The following WWOX variants were observed in gnomAD, a reference collection of about 807,000 sequenced individuals.
The protein encoded by WWOX is WW domain containing oxidoreductase.
In WWOX, 69 loss-of-function variants were observed where a neutral mutation model predicts 46.2. The ratio of observed to expected loss-of-function variants is 1.49; its 90% CI spans 1.23 to 1.82. WWOX has a LOEUF of 1.82. Ranked by LOEUF, WWOX falls within the 40% of genes most tolerant of loss-of-function variation. WWOX has a pLI of 0.00. For missense variants in WWOX, 919 were observed against 542.6 expected, an observed-to-expected ratio of 1.69 and a Z score of -6.89; for synonymous variants, 359 against 202.6, an observed-to-expected ratio of 1.77 and a Z score of -6.56.
At chr16:79,202,017 G>A (rs1232799681) in intron 8 of WWOX, among the ~76,000 whole-genome samples, 1 of 151,956 alleles carries the variant, frequency 6.6e-6, no homozygotes, top group Non-Finnish European at 1.5e-5. Flanking sequence ...AGCAGAGATT[G>A]ACAAACTATG....
chr16:78,681,547 A>AT (rs1222912805), intron 8 of WWOX, among the ~76,000 whole-genome samples: 1 of 17,892 alleles, frequency 5.6e-5, no homozygotes, highest in Non-Finnish European at 1.3e-4. Context: ...CTCCATATAC[A>AT]AAAAAAAAAA....
At chr16:78,346,427 G>A (rs2081095160) in intron 5 of WWOX, among the ~76,000 whole-genome samples, 2 of 75,736 alleles carry the variant, frequency 2.6e-5, no homozygotes, top group South Asian at 9.0e-4. Flanking sequence ...GAGTGGAATG[G>A]GCAGGGTGGT....
intron 8 of WWOX, among the ~76,000 whole-genome samples, chr16:78,691,736 C>T (rs181128396): frequency 2.6e-5 from 4 of 152,188 alleles, no homozygotes; most frequent in East Asian, 3.9e-4. Context: ...AAAGCACTGT[C>T]TCTCTCTACC....
At chr16:78,244,790 A>C (rs2037765233) in intron 5 of WWOX, among the ~76,000 whole-genome samples, 1 of 152,104 alleles carries the variant, frequency 6.6e-6, no homozygotes, top group Non-Finnish European at 1.5e-5. Flanking sequence ...TATCCAGTGA[A>C]TTCTCATAGG....
At chr16:78,526,457 C>G (rs574566535) in intron 8 of WWOX, 2 of 152,310 alleles carry the variant, frequency 1.3e-5, no homozygotes, top group African/African-American at 2.4e-5. Context: ...GTGAGGCTGT[C>G]TATGTAATAG....
At chr16:78,457,013 A>G (rs1207357548) in intron 8 of WWOX, among the ~76,000 whole-genome samples, 1 of 152,238 alleles carries the variant, frequency 6.6e-6, no homozygotes, top group Non-Finnish European at 1.5e-5. Flanking sequence ...AAATGATGCT[A>G]CTGGCAGGAT....
intron 8 of WWOX, among the ~76,000 whole-genome samples, chr16:79,022,240 G>A (rs1384744958): frequency 6.6e-6 from 1 of 151,878 alleles, no homozygotes; most frequent in Non-Finnish European, 1.5e-5. Context: ...CCAATGGGCT[G>A]GGATGACAAG....
At chr16:78,335,810 A>T (rs1204096726) in intron 5 of WWOX, among the ~76,000 whole-genome samples, 1 of 152,138 alleles carries the variant, frequency 6.6e-6, no homozygotes, top group African/African-American at 2.4e-5. Flanking sequence ...AAAAGGTACT[A>T]GCTGAGCATG....
intron 8 of WWOX, chr16:79,196,518 C>G (rs890804088): frequency 3.3e-5 from 5 of 152,160 alleles, no homozygotes; most frequent in Non-Finnish European, 7.3e-5. Context: ...AATGCTGAGT[C>G]TATTCGGACC....
At chr16:78,321,754 C>T (rs1361212259) in intron 5 of WWOX, among the ~76,000 whole-genome samples, 1 of 152,172 alleles carries the variant, frequency 6.6e-6, no homozygotes, top group Admixed American at 6.5e-5. Context: ...CTGGCGTCAG[C>T]ACACACATCA....
intron 5 of WWOX, among the ~76,000 whole-genome samples, chr16:78,330,553 C>G (rs1018759641): frequency 2.6e-5 from 4 of 152,172 alleles, no homozygotes; most frequent in Non-Finnish European, 4.4e-5. Context: ...CATGCCACCA[C>G]CGCCAGCTAA....
At chr16:78,556,635 A>C (rs1010654103) in intron 8 of WWOX, among the ~76,000 whole-genome samples, 14 of 152,178 alleles carry the variant, frequency 9.2e-5, no homozygotes, top group African/African-American at 3.1e-4. Context: ...ACAGAGTTCA[A>C]CCAAACGTAC....
intron 8 of WWOX, among the ~76,000 whole-genome samples, chr16:78,689,893 C>T (rs1224609906): frequency 1.3e-5 from 2 of 152,046 alleles, no homozygotes; most frequent in African/African-American, 2.4e-5. Flanking sequence ...CAGGGTCTCA[C>T]TCTGTTGCCC....
At chr16:78,969,787 C>G (rs961035035) in intron 8 of WWOX, among the ~76,000 whole-genome samples, 5 of 152,024 alleles carry the variant, frequency 3.3e-5, no homozygotes, top group Admixed American at 2.6e-4. Flanking sequence ...CATGAAATAC[C>G]CCAAAGAGGC....
intron 8 of WWOX, among the ~76,000 whole-genome samples, chr16:78,802,134 G>A (rs1054541580): frequency 7.9e-5 from 12 of 151,280 alleles, no homozygotes; most frequent in South Asian, 2.1e-4. Context: ...TAGATCAGAC[G>A]TGCTTTTGAA....
intron 8 of WWOX, among the ~76,000 whole-genome samples, chr16:78,691,580 C>T (rs2047989196): frequency 6.6e-6 from 1 of 152,064 alleles, no homozygotes; most frequent in Non-Finnish European, 1.5e-5. Context: ...TAGTGGTGTG[C>T]ACCTGAAGTC....
chr16:78,832,854 A>T (rs2051869708), intron 8 of WWOX, among the ~76,000 whole-genome samples: 2 of 152,158 alleles, frequency 1.3e-5, no homozygotes, highest in Admixed American at 1.3e-4. Flanking sequence ...ACATCCATTT[A>T]TAATTATTTC....
intron 8 of WWOX, among the ~76,000 whole-genome samples, chr16:79,041,216 A>G (rs1202014784): frequency 1.3e-5 from 2 of 152,170 alleles, no homozygotes; most frequent in Non-Finnish European, 2.9e-5. Context: ...CAAAAGAGGA[A>G]TCTTCTTTGC....
intron 8 of WWOX, among the ~76,000 whole-genome samples, chr16:79,164,960 A>G (rs1021117095): frequency 1.1e-4 from 16 of 151,950 alleles, no homozygotes; most frequent in Admixed American, 2.0e-4. Flanking sequence ...ACCCAGTACA[A>G]CTCTCTAATT....
Sources: gnomAD v4.1 joint callset for allele counts (sites outside exome capture counted in the v4.1 genomes callset) on GRCh38, gnomAD v4.1.1 for gene constraint, MANE v1.5 for transcripts, NCBI Gene and HGNC (gene_info 2026-07-23, HGNC 2026-07-21) for gene names.